The following LRP4 variants were observed in gnomAD, a reference collection of about 807,000 sequenced individuals.
The protein encoded by LRP4 is LDL receptor related protein 4, also known as low-density lipoprotein receptor-related protein 4.
Under a neutral mutation model 220.3 loss-of-function variants are expected in LRP4, and 95 were observed. The observed-to-expected ratio is 0.43, with a 90% CI of 0.37 to 0.51. The LOEUF (loss-of-function observed/expected upper bound fraction) is 0.51, where lower values mean the gene tolerates loss of function less well. LRP4 is among the 20% of genes least tolerant of loss of function. LRP4 has a pLI of 0.00. For missense variants in LRP4, 1,925 were observed against 2,567.0 expected, an observed-to-expected ratio of 0.75 and a Z score of 5.40; for synonymous variants, 903 against 954.6, an observed-to-expected ratio of 0.95 and a Z score of 1.00.
In LRP4 at chr11:46,859,108, G is replaced by A. The variant is rs766322191; in HGVS notation, c.5593C>T (p.Leu1865=). 2.5e-6 allele frequency: 4 copies of A among 1,614,016 alleles called. No individual in the cohort carries two copies. The highest frequency in any genetic ancestry group is 1.3e-5 in the African/African-American group (1 of 74,914). ...CACTCAGACTGCTCTTCCTGTAACA[G>A]CTGCTCCGTCTCTGTGTCATCCAGG... ...GSLDDTETEQ[L]LQEEQSECSS... is the part of the protein sequence containing the mutation. The change falls in exon 38 of 38, where the codon CTG becomes TTG. Residue 1865 remains leucine, a synonymous_variant. Transcript: ENST00000378623.
At chr11:46,869,885 A>C (rs757915070) in intron 31 of LRP4, among the ~76,000 whole-genome samples, 9 of 152,104 alleles carry the variant, frequency 5.9e-5, no homozygotes, top group Non-Finnish European at 8.8e-5. Context: ...AAGGTGGGCG[A>C]TCATGAGGTC....
At chr11:46,915,101 C>T (rs967337443) in intron 1 of LRP4, among the ~76,000 whole-genome samples, 2 of 152,138 alleles carry the variant, frequency 1.3e-5, no homozygotes, top group African/African-American at 4.8e-5. Flanking sequence ...ATCTGATATT[C>T]ATCAGGGTAC....
At chr11:46,889,148 G>C (rs548994640) in intron 16 of LRP4, among the ~76,000 whole-genome samples, 1 of 152,326 alleles carries the variant, frequency 6.6e-6, no homozygotes, top group East Asian at 1.9e-4. Flanking sequence ...AGGCAATCCT[G>C]CCTGGTAAAA....
intron 1 of LRP4, among the ~76,000 whole-genome samples, chr11:46,904,019 A>C (rs1003935177): frequency 2.0e-5 from 3 of 152,204 alleles, no homozygotes; most frequent in African/African-American, 7.2e-5. Context: ...TGAATGGCTC[A>C]GTGCCCTGCT....
rs748694767 is a variant in LRP4, at chr11:46,864,936, C to T, written c.5155+183G>A. On this transcript the variant is annotated intron_variant, in intron 35 of 37. Coordinates refer to ENST00000378623, the MANE Select transcript of LRP4 (RefSeq NM_002334.4). Reference sequence around the variant, plus strand: ...TATGGCTTATCACATGCCTGGCATACGGAAAGCATACCATAAGCTGTCACT... The same window carrying T: ...TATGGCTTATCACATGCCTGGCATATGGAAAGCATACCATAAGCTGTCACT... 2.6e-5 allele frequency among the ~76,000 whole-genome samples: 4 copies of T among 152,210 alleles called. No homozygotes were observed. In the South Asian group the frequency reaches 6.2e-4, roughly 24 times the overall value.
At chr11:46,884,023 C>T in intron 18 of LRP4, 47 bp from the exon 19 acceptor site, 1 of 1,466,252 alleles carries the variant, frequency 6.8e-7, no homozygotes, top group Admixed American at 1.7e-5. Flanking sequence ...GTTCATTCAC[C>T]CTCTTACCTT....
chr11:46,866,402 C>G (rs1337903421), intron 34 of LRP4, among the ~76,000 whole-genome samples: 1 of 151,822 alleles, frequency 6.6e-6, no homozygotes, highest in African/African-American at 2.4e-5. Flanking sequence ...CAACCTCAGC[C>G]TCCCAAGTAG....
chr11:46,873,647 G>T lies in LRP4; in HGVS notation c.4230-54C>A. 1 of 1,460,646 alleles carries T rather than the reference G, an allele frequency of 6.8e-7. No homozygotes were observed. The highest frequency in any genetic ancestry group is 9.5e-7 in the Non-Finnish European group (1 of 1,054,236). 90.5% of individuals were successfully genotyped at this position (1,460,646 alleles called of 1,614,324 possible). A position where few individuals can be genotyped will look rare whatever the true frequency, so the allele number is the denominator to read the frequency against. On this transcript the variant is annotated intron_variant, in intron 28 of 37. Transcript: ENST00000378623. The surrounding 1 kb of genome is among the most constrained non-coding windows in gnomAD (Gnocchi z 4.2). ...AACCAGACTGACCCAGAATAGAGTA[G>T]AACTTTAACCCATGTTCCCATAACT...
At chr11:46,910,523 C>T (rs905128365) in intron 1 of LRP4, among the ~76,000 whole-genome samples, 4 of 152,140 alleles carry the variant, frequency 2.6e-5, no homozygotes, top group Non-Finnish European at 4.4e-5. Flanking sequence ...TTAAGACCTG[C>T]TATTTTAGGA....
intron 18 of LRP4, among the ~76,000 whole-genome samples, chr11:46,884,502 C>T (rs1198543596): frequency 1.3e-5 from 2 of 151,712 alleles, no homozygotes; most frequent in Non-Finnish European, 2.9e-5. Context: ...TTTGGGAGGC[C>T]GAGGCGGGTG....
chr11:46,900,628 T>C (rs1941646888), intron 2 of LRP4, among the ~76,000 whole-genome samples: 1 of 150,876 alleles, frequency 6.6e-6, no homozygotes, highest in Admixed American at 6.6e-5. Context: ...TCACCACACC[T>C]GGCTAGGTTT....
rs368011278 is a variant in LRP4 at position 46,879,213 on chromosome 11, G to A, written c.2917C>T (p.Arg973Trp). 9.3e-6 allele frequency: 15 copies of A among 1,614,074 alleles called. No homozygotes were observed. The highest frequency in any genetic ancestry group is 5.5e-5 in the South Asian group (5 of 91,078). ...WQTKSIQSAD[R>W]LTGLDRETLQ... Reference sequence around the variant, plus strand: ...GTCTCCCGGTCCAGCCCTGTCAGCCGGTCAGCGCTCTGTATGCTCTTGGTC... The same window carrying A: ...GTCTCCCGGTCCAGCCCTGTCAGCCAGTCAGCGCTCTGTATGCTCTTGGTC... The change falls in exon 21 of 38, where the codon CGG becomes TGG. Residue 973 changes from arginine (R) to tryptophan (W), a missense_variant. Arg to Trp is a moderately radical substitution (Grantham distance 101). Transcript: ENST00000378623.
chr11:46,891,077 C>T (rs1451322124), intron 13 of LRP4, among the ~76,000 whole-genome samples: 1 of 151,954 alleles, frequency 6.6e-6, no homozygotes, highest in East Asian at 1.9e-4. Flanking sequence ...TTAGGACAGG[C>T]ACTTTCTTCT....
chr11:46,901,763 C>T (rs1170649798), intron 2 of LRP4, among the ~76,000 whole-genome samples: 3 of 151,844 alleles, frequency 2.0e-5, no homozygotes, highest in Non-Finnish European at 4.4e-5. Context: ...GACGGAGTCT[C>T]GCTCTGTCGC....
In LRP4 at chr11:46,898,519, C is replaced by G. The variant is rs758417676; in HGVS notation, c.796+39G>C. 2.1e-5 allele frequency: 34 copies of G among 1,613,340 alleles called. No homozygotes were observed. In the Middle Eastern group the frequency reaches 6.6e-4, roughly 31 times the overall value. On this transcript the variant is annotated intron_variant, in intron 7 of 37. Transcript: ENST00000378623. Reference sequence around the variant, plus strand: ...CCTCTTTGGCTCCACAAGCCTTCTCCTTAGTTCAAGCCCAACCTAATTCCA... The same window carrying G: ...CCTCTTTGGCTCCACAAGCCTTCTCGTTAGTTCAAGCCCAACCTAATTCCA...
chr11:46,899,624 C>A lies in LRP4; in HGVS notation c.431-121G>T. Reference sequence around the variant, plus strand: ...TCTGACCTAGCCCCCGAAAGGCACCCCAGAGTCAGTGCAGACTCTCCAGGG... The same window carrying A: ...TCTGACCTAGCCCCCGAAAGGCACCACAGAGTCAGTGCAGACTCTCCAGGG... On this transcript the variant is annotated intron_variant, in intron 4 of 37. Coordinates refer to ENST00000378623, the MANE Select transcript of LRP4 (RefSeq NM_002334.4). This position sits in a 1 kb window ranked among gnomAD's most constrained non-coding sequence, Gnocchi z 5.9. The A allele has an allele frequency of 1.2e-6, 1 of 805,750 alleles. No individual in the cohort carries two copies. The highest frequency in any genetic ancestry group is 2.2e-6 in the Non-Finnish European group (1 of 463,760). The allele number at this position is 805,750 out of a possible 1,614,324, so 49.9% of individuals were successfully genotyped here.
intron 37 of LRP4, among the ~76,000 whole-genome samples, chr11:46,860,211 G>C (rs1195828856): frequency 6.6e-6 from 1 of 150,470 alleles, no homozygotes; most frequent in Non-Finnish European, 1.5e-5. Flanking sequence ...CTCCAGCCTG[G>C]GTGACAGAGC....
chr11:46,876,452 C>T lies in LRP4; in HGVS notation c.3536+14G>A, dbSNP rs1267682165. The T allele has an allele frequency of 6.2e-7, 1 of 1,614,152 alleles. No individual in the cohort carries two copies. Among genetic ancestry groups the T allele is most frequent in the Non-Finnish European group, 8.5e-7 (1 of 1,179,992 alleles). On this transcript the variant is annotated intron_variant, in intron 25 of 37. Transcript: ENST00000378623. ...GCCCCCCACACTACCCAGTGCGATA[C>T]AGCCAGCTCTCACCCCATCTCATGG...
rs1235755826 is a variant in LRP4 at position 46,895,868 on chromosome 11, C to A, written c.1183+16G>T. On this transcript the variant is annotated intron_variant, in intron 10 of 37. Transcript: ENST00000378623. ...CTCAGAACCCCGACTCTGCTGCAAA[C>A]CAGGCCCCAGCTCACCTTGGCACGT... The A allele has an allele frequency of 6.2e-7, 1 of 1,610,884 alleles. No individual in the cohort carries two copies. Among genetic ancestry groups the A allele is most frequent in the Admixed American group, 1.7e-5 (1 of 60,032 alleles).
Sources: gnomAD v4.1 joint callset for allele counts (sites outside exome capture counted in the v4.1 genomes callset) on GRCh38, gnomAD v4.1.1 for gene constraint, Gnocchi (gnomAD v3.1) non-coding constraint, MANE v1.5 for transcripts, NCBI Gene and HGNC (gene_info 2026-07-23, HGNC 2026-07-21) for gene names.